Variants in LOC400499 observed in about 807,000 individuals in gnomAD.
the LOC400499 span, among the ~76,000 whole-genome samples, chr16:11,464,064 G>T: frequency 2.6e-5 from 4 of 152,170 alleles, no homozygotes; most frequent in Admixed American, 2.6e-4. Flanking sequence ...ACAGACATGT[G>T]TACAGATATG....
At chr16:11,378,251 CTTTTT>C in the LOC400499 span, among the ~76,000 whole-genome samples, 1 of 65,224 alleles carries the variant, frequency 1.5e-5, no homozygotes, top group South Asian at 4.1e-4. Flanking sequence ...CTTTTTTTTT[CTTTTT>C]TTTTTTTTTT....
At chr16:11,484,402 T>G in the LOC400499 span, among the ~76,000 whole-genome samples, 1 of 152,204 alleles carries the variant, frequency 6.6e-6, no homozygotes, top group African/African-American at 2.4e-5. Flanking sequence ...AGTGTGTACA[T>G]GGGTCAGAAT....
chr16:11,430,090 G>A, the LOC400499 span, among the ~76,000 whole-genome samples: 3 of 152,346 alleles, frequency 2.0e-5, no homozygotes, highest in East Asian at 5.8e-4. Flanking sequence ...CCTCATTTCT[G>A]TGGTGTCCTA....
chr16:11,435,838 G>C, the LOC400499 span: 1 of 399,040 alleles, frequency 2.5e-6, no homozygotes, highest in African/African-American at 2.1e-5. Context: ...ATAGAGACCC[G>C]TTGAGGCTGC....
chr16:11,404,777 A>T, the LOC400499 span: 2 of 399,074 alleles, frequency 5.0e-6, no homozygotes, highest in Non-Finnish European at 8.8e-6. Flanking sequence ...CCTCCTGGCC[A>T]TCCCACAGCA....
At chr16:11,394,188 G>A in the LOC400499 span, among the ~76,000 whole-genome samples, 1 of 152,182 alleles carries the variant, frequency 6.6e-6, no homozygotes, top group South Asian at 2.1e-4. Flanking sequence ...GGAGACACGG[G>A]CACACCTGGC....
At chr16:11,485,762 G>C in the LOC400499 span, among the ~76,000 whole-genome samples, 1 of 152,124 alleles carries the variant, frequency 6.6e-6, no homozygotes, top group Non-Finnish European at 1.5e-5. Flanking sequence ...ATCTCTGATA[G>C]CATTTTCAGA....
At chr16:11,441,077 C>T in the LOC400499 span, 3 of 398,960 alleles carry the variant, frequency 7.5e-6, no homozygotes, top group Non-Finnish European at 8.8e-6. Context: ...TGTTCTTAGC[C>T]TGGGTGTGTG....
the LOC400499 span, chr16:11,462,099 AG>A: frequency 6.8e-7 from 1 of 1,473,200 alleles, no homozygotes; most frequent in South Asian, 1.3e-5. Context: ...AGGGGACAGA[AG>A]GGGTCTCATC....
At chr16:11,387,165 C>T in the LOC400499 span, 18 of 1,232,118 alleles carry the variant, frequency 1.5e-5, no homozygotes, top group South Asian at 2.1e-4. Flanking sequence ...TCAGCCAGCA[C>T]GTTGGCCCCA....
the LOC400499 span, among the ~76,000 whole-genome samples, chr16:11,474,730 AG>A: frequency 6.6e-6 from 1 of 150,802 alleles, no homozygotes; most frequent in Non-Finnish European, 1.5e-5. Flanking sequence ...TTAGCTGGGC[AG>A]GGTGGTGAGT....
At chr16:11,428,502 G>GTAAC in the LOC400499 span, among the ~76,000 whole-genome samples, 1 of 151,978 alleles carries the variant, frequency 6.6e-6, no homozygotes, top group East Asian at 1.9e-4. Context: ...ACCATATGAC[G>GTAAC]TAACTTCCTG....
chr16:11,447,793 G>C, the LOC400499 span: 5 of 1,189,446 alleles, frequency 4.2e-6, no homozygotes, highest in Non-Finnish European at 5.6e-6. Flanking sequence ...TCTTCTCTGG[G>C]ATTTAGGTTC....
chr16:11,409,234 G>A, the LOC400499 span, among the ~76,000 whole-genome samples: 2 of 151,982 alleles, frequency 1.3e-5, no homozygotes, highest in African/African-American at 2.4e-5. Flanking sequence ...GCACTCCAGC[G>A]TGGGTGACAG....
the LOC400499 span, among the ~76,000 whole-genome samples, chr16:11,419,797 A>G: frequency 2.6e-5 from 4 of 152,186 alleles, no homozygotes; most frequent in East Asian, 1.9e-4. Flanking sequence ...ATGAACAGAC[A>G]CTTCTCAAAA....
the LOC400499 span, among the ~76,000 whole-genome samples, chr16:11,479,051 C>T: frequency 7.9e-5 from 12 of 152,124 alleles, no homozygotes; most frequent in Non-Finnish European, 1.3e-4. Flanking sequence ...TGGTAAATTG[C>T]CCAGTCCCTG....
chr16:11,431,795 C>T, the LOC400499 span, among the ~76,000 whole-genome samples: 1 of 152,224 alleles, frequency 6.6e-6, no homozygotes, highest in Non-Finnish European at 1.5e-5. Context: ...CCCATACTCT[C>T]CTGCAAGGTG....
the LOC400499 span, among the ~76,000 whole-genome samples, chr16:11,441,484 A>G: frequency 6.6e-6 from 1 of 152,252 alleles, no homozygotes; most frequent in Non-Finnish European, 1.5e-5. Context: ...CTAGAGTGAA[A>G]GAATGAGTAA....
At chr16:11,415,960 GTTT>G in the LOC400499 span, among the ~76,000 whole-genome samples, 6,970 of 146,292 alleles carry the variant, frequency 0.048, 572 homozygotes, top group African/African-American at 0.17. Context: ...TTGTTGTTTT[GTTT>G]TTTTTTTTTT....
Sources: gnomAD v4.1 joint callset for allele counts (sites outside exome capture counted in the v4.1 genomes callset) on GRCh38, gnomAD v4.1.1 for gene constraint, MANE v1.5 for transcripts.